The following ADAM17 variants were observed in gnomAD, a reference collection of about 807,000 sequenced individuals.
ADAM17 encodes disintegrin and metalloproteinase domain-containing protein 17.
ADAM17 carries 39 observed loss-of-function variants against 96.7 expected under a neutral mutation model. The ratio of observed to expected loss-of-function variants is 0.40; its 90% CI spans 0.31 to 0.53. The LOEUF (loss-of-function observed/expected upper bound fraction) is 0.53, where lower values mean the gene tolerates loss of function less well. ADAM17 is among the 20% of genes least tolerant of loss of function. The pLI is 0.44. For missense variants in ADAM17, 777 were observed against 1,013.2 expected (o/e 0.77, Z 3.17); for synonymous variants, 344 against 359.2 (o/e 0.96, Z 0.48).
intron 4 of ADAM17, among the ~76,000 whole-genome samples, chr2:9,528,471 G>T (rs759004334): frequency 2.0e-5 from 3 of 152,184 alleles, no homozygotes; most frequent in African/African-American, 7.2e-5. Flanking sequence ...CTCAGAACTT[G>T]TAACAATAGG....
At chr2:9,521,841 C>CT (rs57123849) in intron 7 of ADAM17, 28,768 of 81,708 alleles carry the variant, frequency 0.35, 2,876 homozygotes, top group African/African-American at 0.53. Flanking sequence ...GTGAGTCTCT[C>CT]TGCCTGCCTG....
chr2:9,549,692 A>G (rs1464992609), intron 1 of ADAM17, among the ~76,000 whole-genome samples: 1 of 150,794 alleles, frequency 6.6e-6, no homozygotes. Flanking sequence ...TTTTGTTTCT[A>G]TTTTTTTGTA....
intron 4 of ADAM17, among the ~76,000 whole-genome samples, chr2:9,532,605 G>A (rs541879907): frequency 5.3e-5 from 8 of 151,014 alleles, no homozygotes; most frequent in African/African-American, 9.7e-5. Flanking sequence ...CTAAGTAGCT[G>A]AGACCACAGG....
intron 13 of ADAM17, among the ~76,000 whole-genome samples, chr2:9,498,651 C>T (rs1572891291): frequency 6.6e-6 from 1 of 152,274 alleles, no homozygotes; most frequent in East Asian, 1.9e-4. Flanking sequence ...AGGCACTTTG[C>T]CTCTGGTTCT....
intron 14 of ADAM17, 139 bp downstream of exon 14, chr2:9,496,975 C>G: frequency 7.6e-7 from 1 of 1,312,632 alleles, no homozygotes; most frequent in Non-Finnish European, 1.0e-6. Flanking sequence ...AGACACCACC[C>G]TGCCCTTCCC....
intron 6 of ADAM17, among the ~76,000 whole-genome samples, chr2:9,523,575 G>A (rs1054889990): frequency 3.3e-5 from 5 of 152,082 alleles, no homozygotes; most frequent in Non-Finnish European, 7.4e-5. Context: ...CTAAATTTCA[G>A]GTACTCAATT....
intron 12 of ADAM17, 146 bp downstream of exon 12, chr2:9,505,020 G>T: frequency 1.1e-6 from 1 of 891,272 alleles, no homozygotes; most frequent in Non-Finnish European, 1.7e-6. Context: ...GCAATTTCTT[G>T]CTGTGAAGGG....
chr2:9,522,720 C>T (rs1664363283), intron 7 of ADAM17, among the ~76,000 whole-genome samples: 1 of 152,090 alleles, frequency 6.6e-6, no homozygotes, highest in South Asian at 2.1e-4. Context: ...TTAGTCCTAG[C>T]AATTTGAAAT....
chr2:9,521,475 GAAAC>G (rs556449333), intron 7 of ADAM17, 159 bp from the exon 8 acceptor site: 63 of 403,300 alleles, frequency 1.6e-4, no homozygotes, highest in African/African-American at 9.7e-4. Flanking sequence ...TTCAATGTTT[GAAAC>G]AAACAGAGAA....
intron 17 of ADAM17, 69 bp downstream of exon 17, chr2:9,492,829 G>A (rs2124959793): frequency 1.5e-6 from 2 of 1,350,642 alleles, no homozygotes; most frequent in East Asian, 5.2e-5. Context: ...ACCTTTTCCA[G>A]AGATTACATG....
At chr2:9,543,087 C>CT in intron 2 of ADAM17, 66 bp downstream of exon 2, 1 of 1,458,336 alleles carries the variant, frequency 6.9e-7, no homozygotes, top group Non-Finnish European at 9.1e-7. Flanking sequence ...GATACCCTTA[C>CT]TTTTTTGTTT....
chr2:9,497,395 T>C (rs1662695683), intron 13 of ADAM17, 147 bp from the exon 14 acceptor site: 17 of 1,024,552 alleles, frequency 1.7e-5, no homozygotes, highest in Non-Finnish European at 1.8e-5. Flanking sequence ...AGAGCCTGCA[T>C]CTCACCAGCA....
At position 9,553,687 on chromosome 2, in the gene ADAM17, A is replaced by AAG. The variant is rs1558529705; in HGVS notation, c.97+1821_97+1822insCT. Among the ~76,000 whole-genome samples, 6 of 150,234 alleles carry AAG rather than the reference A, an allele frequency of 4.0e-5. No individual in the cohort carries two copies. In the South Asian group the frequency reaches 1.1e-3, roughly 26 times the overall value. On this transcript the variant is annotated intron_variant, in intron 1 of 18. Transcript: ENST00000310823. The stretch of plus-strand genomic sequence containing the variant: ...CAAAACACTGCCTCAAAAAAAAAAA[A>AAG]AAAGAAAGAAAAAGAAAAGAAAAGA...
In ADAM17 at chr2:9,490,086, C is replaced by T. The variant is rs917022568; in HGVS notation, c.*91G>A. ...GACCAGCATCTGCTAAGTCACTTCC[C>T]AGTCTTCACAAAATACAAGCTGTGA... is the stretch of plus-strand genomic sequence containing the variant. On this transcript the variant is annotated 3_prime_UTR_variant, in exon 19 of 19. Transcript: ENST00000310823. The T allele has an allele frequency of 8.2e-5, 102 of 1,238,934 alleles. No individual in the cohort carries two copies. Among genetic ancestry groups the T allele is most frequent in the Non-Finnish European group, 4.3e-5 (39 of 902,792 alleles). 76.7% of individuals were successfully genotyped at this position (1,238,934 alleles called of 1,614,324 possible). A position where few individuals can be genotyped will look rare whatever the true frequency, so the allele number is the denominator to read the frequency against.
chr2:9,516,097 C>T (rs1371888164), intron 10 of ADAM17, among the ~76,000 whole-genome samples: 1 of 152,162 alleles, frequency 6.6e-6, no homozygotes, highest in Non-Finnish European at 1.5e-5. Flanking sequence ...TTCCTAATGA[C>T]ATATGACGCT....
chr2:9,528,001 CCTAAACA>C, intron 4 of ADAM17, 47 bp from the exon 5 acceptor site: 1 of 1,247,184 alleles, frequency 8.0e-7, no homozygotes, highest in South Asian at 2.0e-5. Context: ...AATAATAATT[CCTAAACA>C]CTAAATTCTT....
intron 5 of ADAM17, chr2:9,527,555 C>T (rs1664577868): frequency 9.7e-6 from 3 of 308,382 alleles, no homozygotes; most frequent in Non-Finnish European, 1.8e-5. Flanking sequence ...TCCCTTTTCC[C>T]TAATCTTTTT....
In ADAM17 at chr2:9,555,444, C is replaced by A. The variant is rs1178970584; in HGVS notation, c.97+65G>T. 6 of 1,400,804 alleles carry A rather than the reference C, an allele frequency of 4.3e-6. No homozygotes were observed. In the Admixed American group the frequency reaches 7.4e-5, roughly 17 times the overall value. 86.8% of individuals were successfully genotyped at this position (1,400,804 alleles called of 1,614,324 possible). On this transcript the variant is annotated intron_variant, in intron 1 of 18. Transcript: ENST00000310823. ...CCCCAAACACCTGATAGACCCAGCT[C>A]CCCTGCTCTTCCCTCAAACGAGCGC...
At chr2:9,522,452 T>G in intron 7 of ADAM17, 1 of 604,316 alleles carries the variant, frequency 1.7e-6, no homozygotes, top group Non-Finnish European at 3.1e-6. Flanking sequence ...AAAAAGAAAA[T>G]GCGTAACAGT....
Sources: allele counts gnomAD v4.1 joint callset (sites outside exome capture counted in the v4.1 genomes callset), GRCh38; gene constraint gnomAD v4.1.1; transcripts MANE v1.5; gene names NCBI Gene and HGNC (gene_info 2026-07-23, HGNC 2026-07-21).